Variants in FRMD5 observed in about 807,000 individuals in gnomAD.
The protein encoded by FRMD5 is FERM domain containing 5, also known as FERM domain-containing protein 5.
FRMD5 carries 20 observed loss-of-function variants against 69.0 expected under a neutral mutation model. That is an observed-to-expected ratio of 0.29 (90% CI 0.20 to 0.42). FRMD5 has a LOEUF of 0.42. Among genes scored for constraint, FRMD5 ranks in the 10% least tolerant of loss-of-function variants. The pLI is 1.00. For missense variants in FRMD5, 595 were observed against 708.6 expected (o/e 0.84, Z 1.82); for synonymous variants, 271 against 260.1 (o/e 1.04, Z -0.40).
At position 43,874,385 on chromosome 15, in the gene FRMD5, C is replaced by T. The variant is rs147048964; in HGVS notation, c.1213G>A (p.Val405Met). The T allele has an allele frequency of 1.6e-3, 2,623 of 1,614,204 alleles. 41 individuals are homozygous for T. Among genetic ancestry groups the T allele is most frequent in the Non-Finnish European group, 2.7e-4 (315 of 1,180,038 alleles). ...TSHGDTFLPH[V>M]RSSRTDSNER... The stretch of plus-strand genomic sequence containing the variant: ...TTGCTATCTGTCCGGCTGCTTCTCA[C>T]GTGAGGCAGGAAGGTGTCCCCATGG... Residue 405 changes from valine (V) to methionine (M), a missense_variant, in exon 14 of 14, where the codon GTG becomes ATG. Val to Met is a conservative substitution (Grantham distance 21, BLOSUM62 1). Transcript: ENST00000417257.
At chr15:43,991,757 A>G (rs2140139066) in intron 1 of FRMD5, among the ~76,000 whole-genome samples, 1 of 152,308 alleles carries the variant, frequency 6.6e-6, no homozygotes, top group South Asian at 2.1e-4. Flanking sequence ...CAGGGCACTG[A>G]TGTGTTCTCC....
intron 4 of FRMD5, among the ~76,000 whole-genome samples, chr15:43,917,212 A>G (rs1405361614): frequency 6.6e-6 from 1 of 152,162 alleles, no homozygotes; most frequent in Non-Finnish European, 1.5e-5. Context: ...CTGTTGGTCC[A>G]GTGAGGTGGA....
intron 1 of FRMD5, among the ~76,000 whole-genome samples, chr15:44,104,666 T>C (rs148760231): frequency 1.3e-5 from 2 of 152,324 alleles, no homozygotes; most frequent in African/African-American, 4.8e-5. Context: ...CTATACAGGT[T>C]TGTAGCCTAA....
chr15:43,997,782 C>T (rs8029425), intron 1 of FRMD5, among the ~76,000 whole-genome samples: 5,459 of 152,256 alleles, frequency 0.036, 290 homozygotes, highest in African/African-American at 0.11. Flanking sequence ...TGATCATGCA[C>T]GCCACAAGAA....
intron 1 of FRMD5, among the ~76,000 whole-genome samples, chr15:44,014,830 T>C (rs1890883913): frequency 6.6e-6 from 1 of 152,238 alleles, no homozygotes; most frequent in Admixed American, 6.5e-5. Context: ...CCCTGAAAGC[T>C]ATATGAGCAT....
rs565188172 is a variant in FRMD5 at position 44,027,171 on chromosome 15, A to G, written c.103-102862T>C. On this transcript the variant is annotated intron_variant, in intron 1 of 13. Coordinates refer to ENST00000417257, the MANE Select transcript of FRMD5 (RefSeq NM_032892.5). The stretch of plus-strand genomic sequence containing the variant: ...ATAGGGTTAGTACCTTCTTCTCTAT[A>G]TTACGTCCCTATAACAATGTCACAA... Among the ~76,000 whole-genome samples the G allele has an allele frequency of 1.7e-4, 26 of 152,298 alleles. No individual in the cohort carries two copies. The South Asian group carries it at 3.5e-3, about 21-fold the overall frequency.
intron 1 of FRMD5, among the ~76,000 whole-genome samples, chr15:44,140,647 G>A (rs1221036453): frequency 6.6e-6 from 1 of 152,034 alleles, no homozygotes; most frequent in African/African-American, 2.4e-5. Flanking sequence ...AGGAGGCCGA[G>A]GCAGGTGGAT....
chr15:44,172,272 C>CTTTTTTTTTTT (rs769999651), intron 1 of FRMD5, among the ~76,000 whole-genome samples: 1 of 137,462 alleles, frequency 7.3e-6, no homozygotes. Flanking sequence ...TTCTCTTTTT[C>CTTTTTTTTTTT]TTTTTTTTTT....
chr15:43,945,022 C>T (rs986448433), intron 1 of FRMD5, among the ~76,000 whole-genome samples: 4 of 151,164 alleles, frequency 2.6e-5, no homozygotes, highest in African/African-American at 7.3e-5. Context: ...CCTGAGTTCA[C>T]GTGATCTGCC....
intron 1 of FRMD5, among the ~76,000 whole-genome samples, chr15:44,110,206 C>G (rs966332991): frequency 6.6e-6 from 1 of 152,148 alleles, no homozygotes; most frequent in Non-Finnish European, 1.5e-5. Flanking sequence ...TTTTTAGAGA[C>G]AGGGTCTTGC....
intron 1 of FRMD5, among the ~76,000 whole-genome samples, chr15:44,045,828 A>G (rs1167840973): frequency 6.6e-6 from 1 of 152,186 alleles, no homozygotes; most frequent in Non-Finnish European, 1.5e-5. Flanking sequence ...GCTGACTTTA[A>G]TATCAGGTCA....
At chr15:44,012,178 C>T (rs1890748937) in intron 1 of FRMD5, among the ~76,000 whole-genome samples, 1 of 152,168 alleles carries the variant, frequency 6.6e-6, no homozygotes, top group African/African-American at 2.4e-5. Flanking sequence ...AGGGTGACTG[C>T]TTGTTCACAT....
At position 44,117,377 on chromosome 15, in the gene FRMD5, C is replaced by T. The variant is rs192870977; in HGVS notation, c.102+77576G>A. On this transcript the variant is annotated intron_variant, in intron 1 of 13. Transcript: ENST00000417257. ...AGAATCTGAGTAATGGGCAAGGAAT[C>T]GAGAAAAATTAGAGAATAAGCCAAA... Among the ~76,000 whole-genome samples the T allele has an allele frequency of 4.5e-3, 689 of 152,134 alleles. 1 individual carries two copies. The highest frequency in any genetic ancestry group is 0.015 in the South Asian group (71 of 4,826).
intron 1 of FRMD5, among the ~76,000 whole-genome samples, chr15:43,973,566 C>T (rs905200605): frequency 6.6e-6 from 1 of 151,822 alleles, no homozygotes; most frequent in Non-Finnish European, 1.5e-5. Context: ...CGGGGTTTCA[C>T]CATGTTGGTC....
intron 1 of FRMD5, among the ~76,000 whole-genome samples, chr15:44,062,689 C>CA (rs35998128): frequency 0.77 from 90,351 of 117,938 alleles, 35,568 homozygotes; most frequent in East Asian, 0.89. Context: ...GACTCTGTCT[C>CA]AAAAAAAAAA....
At chr15:44,150,426 GAA>G (rs1309016860) in intron 1 of FRMD5, among the ~76,000 whole-genome samples, 1 of 125,038 alleles carries the variant, frequency 8.0e-6, no homozygotes. Context: ...CCATCAAAAA[GAA>G]AAAAAAAAAA....
intron 7 of FRMD5, among the ~76,000 whole-genome samples, chr15:43,893,449 G>A (rs1406196393): frequency 3.9e-5 from 6 of 152,146 alleles, no homozygotes; most frequent in Non-Finnish European, 8.8e-5. Flanking sequence ...GCGAAAGTGA[G>A]CTCCCTGAGG....
intron 1 of FRMD5, among the ~76,000 whole-genome samples, chr15:43,950,428 C>T (rs1045593254): frequency 3.9e-5 from 6 of 152,178 alleles, no homozygotes; most frequent in East Asian, 1.9e-4. Context: ...GCTTAAACTA[C>T]GATAGACTGA....
At chr15:43,952,130 C>T (rs2090045896) in intron 1 of FRMD5, among the ~76,000 whole-genome samples, 2 of 151,762 alleles carry the variant, frequency 1.3e-5, no homozygotes, top group Non-Finnish European at 2.9e-5. Flanking sequence ...AAACAAACAA[C>T]GATCTGCTCA....
Sources: allele counts gnomAD v4.1 joint callset (sites outside exome capture counted in the v4.1 genomes callset), GRCh38; gene constraint gnomAD v4.1.1; transcripts MANE v1.5; gene names NCBI Gene and HGNC (gene_info 2026-07-23, HGNC 2026-07-21).